The following CMTM8 variants were observed in gnomAD, a reference collection of about 807,000 sequenced individuals.
CMTM8 encodes the protein CKLF-like MARVEL transmembrane domain-containing protein 8.
A neutral mutation model predicts 18.6 loss-of-function variants in CMTM8; 12 were observed. That is an observed-to-expected ratio of 0.65 (90% CI 0.41 to 1.05). The LOEUF (loss-of-function observed/expected upper bound fraction) is 1.05, where lower values mean the gene tolerates loss of function less well. Ranked by LOEUF, CMTM8 falls within the 50% of genes least tolerant of loss-of-function variation. CMTM8 has a pLI of 0.00. For missense variants in CMTM8, 217 were observed against 227.2 expected (o/e 0.95, Z 0.29); for synonymous variants, 87 against 90.6 (o/e 0.96, Z 0.23).
chr3:32,238,821 C>T lies in CMTM8; in HGVS notation c.-152C>T. 1 of 474,610 alleles carries T rather than the reference C, an allele frequency of 2.1e-6. No homozygotes were observed. The highest frequency in any genetic ancestry group is 3.3e-6 in the Non-Finnish European group (1 of 305,832). 29.4% of individuals were successfully genotyped at this position (474,610 alleles called of 1,614,324 possible). On this transcript the variant is annotated 5_prime_UTR_variant, in exon 1 of 4. Transcript: ENST00000307526. ...TAGAGGGACACCCGCCGCGCCTGGA[C>T]AGCCCCCGGCGGGCGCCCCCCTCGC...
At chr3:32,327,848 G>A (rs1435900753) in intron 1 of CMTM8, among the ~76,000 whole-genome samples, 1 of 152,176 alleles carries the variant, frequency 6.6e-6, no homozygotes, top group African/African-American at 2.4e-5. Context: ...TATAATCAGT[G>A]AATATGAGAA....
intron 1 of CMTM8, among the ~76,000 whole-genome samples, chr3:32,343,661 C>T (rs1696541277): frequency 6.6e-6 from 1 of 152,082 alleles, no homozygotes; most frequent in Non-Finnish European, 1.5e-5. Flanking sequence ...TTTTTTTCCC[C>T]ATCGTTGCAC....
At chr3:32,353,932 G>C (rs965645938) in intron 1 of CMTM8, among the ~76,000 whole-genome samples, 6 of 151,766 alleles carry the variant, frequency 4.0e-5, no homozygotes, top group Non-Finnish European at 7.4e-5. Flanking sequence ...CTACAGGCAG[G>C]TACCACGACG....
chr3:32,363,319 C>T, intron 2 of CMTM8, among the ~76,000 whole-genome samples: 1 of 152,234 alleles, frequency 6.6e-6, no homozygotes, highest in East Asian at 1.9e-4. Flanking sequence ...GTGGCAGCTT[C>T]AGCACCTGCC....
intron 1 of CMTM8, among the ~76,000 whole-genome samples, chr3:32,283,403 C>T (rs993583226): frequency 1.3e-5 from 2 of 152,194 alleles, no homozygotes; most frequent in South Asian, 2.1e-4. Context: ...TCAGACTGAG[C>T]GCTTGCTATC....
chr3:32,241,195 G>C (rs1044141692), intron 1 of CMTM8, among the ~76,000 whole-genome samples: 1 of 152,038 alleles, frequency 6.6e-6, no homozygotes, highest in South Asian at 2.1e-4. Flanking sequence ...CTGTTTATTG[G>C]TGTTCCCTCA....
In CMTM8 at chr3:32,279,180, AT is replaced by A. The variant is rs10686617; in HGVS notation, c.147+40071del. Among the ~76,000 whole-genome samples, 50 of 140,606 alleles carry A rather than the reference AT, an allele frequency of 3.6e-4. 1 individual carries two copies. The highest frequency in any genetic ancestry group is 2.1e-3 in the South Asian group (9 of 4,372). 92.2% of individuals were successfully genotyped at this position (140,606 alleles called of 152,430 possible). A position where few individuals can be genotyped will look rare whatever the true frequency, so the allele number is the denominator to read the frequency against. On this transcript the variant is annotated intron_variant, in intron 1 of 3. Transcript: ENST00000307526. ...TTATAATTAGTGATTTTTTTTTTTA[AT>A]TTTTTTTTTATTATACTTTAAGTTT...
At chr3:32,270,190 G>T (rs1702415602) in intron 1 of CMTM8, among the ~76,000 whole-genome samples, 1 of 152,146 alleles carries the variant, frequency 6.6e-6, no homozygotes, top group Admixed American at 6.6e-5. Flanking sequence ...CCAAAGCTCT[G>T]ATATTATAGA....
At chr3:32,345,281 G>A (rs1696575799) in intron 1 of CMTM8, among the ~76,000 whole-genome samples, 1 of 152,032 alleles carries the variant, frequency 6.6e-6, no homozygotes, top group Non-Finnish European at 1.5e-5. Flanking sequence ...CCTGAGCCCA[G>A]GGAGGTTGAG....
intron 2 of CMTM8, among the ~76,000 whole-genome samples, chr3:32,364,574 C>T (rs1696994731): frequency 6.6e-6 from 1 of 152,108 alleles, no homozygotes; most frequent in East Asian, 1.9e-4. Flanking sequence ...TTATACTAAG[C>T]AGAGGGATAT....
At chr3:32,298,955 AT>A (rs1287782949) in intron 1 of CMTM8, among the ~76,000 whole-genome samples, 302 of 128,982 alleles carry the variant, frequency 2.3e-3, no homozygotes, top group African/African-American at 6.4e-3. Flanking sequence ...ATATATATAT[AT>A]TTTTTTTTTT....
At chr3:32,308,540 C>T (rs1158394512) in intron 1 of CMTM8, among the ~76,000 whole-genome samples, 1 of 152,066 alleles carries the variant, frequency 6.6e-6, no homozygotes, top group Non-Finnish European at 1.5e-5. Context: ...ATGAGGAGAT[C>T]GGGGCTCTAT....
intron 1 of CMTM8, among the ~76,000 whole-genome samples, chr3:32,307,654 G>A (rs1040123150): frequency 6.6e-6 from 1 of 152,206 alleles, no homozygotes; most frequent in African/African-American, 2.4e-5. Context: ...TCCAGTCAAT[G>A]GGAGGAGGTG....
At chr3:32,310,747 G>A (rs1461591154) in intron 1 of CMTM8, among the ~76,000 whole-genome samples, 1 of 152,152 alleles carries the variant, frequency 6.6e-6, no homozygotes, top group Non-Finnish European at 1.5e-5. Flanking sequence ...TATAGGATTG[G>A]TTTGCATTTT....
chr3:32,274,005 A>C (rs1006292461), intron 1 of CMTM8, among the ~76,000 whole-genome samples: 6 of 152,116 alleles, frequency 3.9e-5, no homozygotes, highest in African/African-American at 9.7e-5. Context: ...ATGCCAGCTC[A>C]GCAACATGTT....
intron 1 of CMTM8, among the ~76,000 whole-genome samples, chr3:32,262,783 T>G (rs1466392633): frequency 7.2e-5 from 11 of 152,316 alleles, no homozygotes; most frequent in Non-Finnish European, 1.5e-4. Flanking sequence ...CTTCCCTTTT[T>G]TAATCAGCCG....
Position 32,288,533 on chromosome 3 carries a change from C to T in CMTM8, c.147+49414C>T, listed in dbSNP as rs533680301. ...ATTTTTTTTTTGAAATGGAGTCTTG[C>T]TCTATCACCCAGGCTGCAGTGCAGT... On this transcript the variant is annotated intron_variant, in intron 1 of 3. Coordinates refer to ENST00000307526, the MANE Select transcript of CMTM8 (RefSeq NM_178868.5). 1.3e-3 allele frequency among the ~76,000 whole-genome samples: 201 copies of T among 149,750 alleles called. 1 individual carries two copies. The highest frequency in any genetic ancestry group is 4.0e-3 in the African/African-American group (161 of 40,640).
chr3:32,312,854 G>A (rs1695847026), intron 1 of CMTM8, among the ~76,000 whole-genome samples: 1 of 151,562 alleles, frequency 6.6e-6, no homozygotes, highest in African/African-American at 2.4e-5. Flanking sequence ...TGGTTGAAAG[G>A]GGCTTGTTAT....
At chr3:32,328,267 C>T (rs1226845715) in intron 1 of CMTM8, among the ~76,000 whole-genome samples, 2 of 149,654 alleles carry the variant, frequency 1.3e-5, no homozygotes, top group Non-Finnish European at 3.0e-5. Context: ...ATCCCAGCTA[C>T]TCAGAAGACT....
Sources: allele counts gnomAD v4.1 joint callset (sites outside exome capture counted in the v4.1 genomes callset), GRCh38; gene constraint gnomAD v4.1.1; transcripts MANE v1.5; gene names NCBI Gene and HGNC (gene_info 2026-07-23, HGNC 2026-07-21).